The following RORA variants were observed in gnomAD, a reference collection of about 807,000 sequenced individuals.
RORA encodes the protein nuclear receptor ROR-alpha.
RORA carries 7 observed loss-of-function variants against 69.5 expected under a neutral mutation model. The observed-to-expected ratio is 0.10, with a 90% CI of 0.06 to 0.19. RORA has a LOEUF of 0.19. Among genes scored for constraint, RORA ranks in the 10% least tolerant of loss-of-function variants. The probability of loss-of-function intolerance (pLI) is 1.00; values close to 1 mark genes in which losing one functional copy is unlikely to be tolerated. For synonymous variants in RORA, 261 were observed against 240.8 expected, an observed-to-expected ratio of 1.08 and a Z score of -0.78; for missense variants, 457 against 663.0, an observed-to-expected ratio of 0.69 and a Z score of 3.41.
chr15:60,996,115 G>A (rs1167920119), intron 1 of RORA, among the ~76,000 whole-genome samples: 1 of 150,972 alleles, frequency 6.6e-6, no homozygotes, highest in Non-Finnish European at 1.5e-5. Context: ...CTGTTGCCCA[G>A]GCTGCAGTAC....
chr15:60,515,929 ATATATAT>A (rs1363750860), intron 3 of RORA, among the ~76,000 whole-genome samples: 3 of 44,274 alleles, frequency 6.8e-5, no homozygotes, highest in Admixed American at 8.4e-4. Context: ...ATATATATTT[ATATATAT>A]ATTTATATAT....
intron 1 of RORA, among the ~76,000 whole-genome samples, chr15:60,825,558 T>G (rs543453702): frequency 6.6e-6 from 1 of 152,280 alleles, no homozygotes; most frequent in African/African-American, 2.4e-5. Context: ...GGCATTATAG[T>G]GAAATCCTAG....
chr15:60,937,347 C>T (rs905441846), intron 1 of RORA, among the ~76,000 whole-genome samples: 2 of 152,140 alleles, frequency 1.3e-5, no homozygotes, highest in African/African-American at 4.8e-5. Flanking sequence ...ATTATTCTGG[C>T]TCATTTCATA....
intron 1 of RORA, among the ~76,000 whole-genome samples, chr15:61,220,298 T>C (rs2080083253): frequency 6.6e-6 from 1 of 152,220 alleles, no homozygotes; most frequent in Admixed American, 6.5e-5. Context: ...CCTTCAGATA[T>C]AATATCCCCG....
intron 1 of RORA, among the ~76,000 whole-genome samples, chr15:60,883,817 G>C (rs924020776): frequency 6.6e-6 from 1 of 152,210 alleles, no homozygotes; most frequent in Admixed American, 6.5e-5. Context: ...GTATACGAAA[G>C]GGTGTTGAGT....
chr15:60,734,679 G>A (rs959903082), intron 1 of RORA, among the ~76,000 whole-genome samples: 4 of 146,540 alleles, frequency 2.7e-5, no homozygotes, highest in African/African-American at 1.0e-4. Context: ...AGAAAAGTAG[G>A]TTTCCCTGAT....
chr15:60,944,440 G>C (rs915660957), intron 1 of RORA, among the ~76,000 whole-genome samples: 1 of 152,150 alleles, frequency 6.6e-6, no homozygotes, highest in African/African-American at 2.4e-5. Flanking sequence ...CACGGAGCGA[G>C]ATGCGGTGGC....
intron 1 of RORA, among the ~76,000 whole-genome samples, chr15:60,908,040 G>A (rs577348655): frequency 6.6e-5 from 10 of 152,290 alleles, no homozygotes; most frequent in African/African-American, 1.9e-4. Flanking sequence ...GGAACGTCCC[G>A]CCTCCACCCA....
intron 1 of RORA, among the ~76,000 whole-genome samples, chr15:61,200,955 A>C (rs1395368968): frequency 6.6e-6 from 1 of 152,254 alleles, no homozygotes; most frequent in Non-Finnish European, 1.5e-5. Context: ...GAGACCAGAA[A>C]GCGGAAGCCG....
chr15:61,140,963 A>G (rs1237902005), intron 1 of RORA, among the ~76,000 whole-genome samples: 1 of 152,136 alleles, frequency 6.6e-6, no homozygotes, highest in African/African-American at 2.4e-5. Flanking sequence ...TTGTCAAGAA[A>G]AGCTGTTTTT....
chr15:60,553,039 CAG>C (rs2067266805), intron 2 of RORA, among the ~76,000 whole-genome samples: 1 of 152,184 alleles, frequency 6.6e-6, no homozygotes, highest in South Asian at 2.1e-4. Context: ...ACAGAGATAA[CAG>C]TACCTACTTC....
intron 1 of RORA, among the ~76,000 whole-genome samples, chr15:60,735,024 C>A (rs959684280): frequency 2.6e-5 from 4 of 152,172 alleles, no homozygotes; most frequent in African/African-American, 9.7e-5. Context: ...TGCACCTTAG[C>A]CATGCAGTTT....
intron 2 of RORA, chr15:60,544,925 C>G (rs754887065): frequency 6.6e-6 from 1 of 152,310 alleles, no homozygotes; most frequent in Non-Finnish European, 1.5e-5. Flanking sequence ...ACCATCAGGA[C>G]ACAGAGGAGT....
chr15:60,994,904 CATTGGGGT>C (rs1453124516), intron 1 of RORA, among the ~76,000 whole-genome samples: 1 of 151,984 alleles, frequency 6.6e-6, no homozygotes, highest in Non-Finnish European at 1.5e-5. Flanking sequence ...TCTATTGGGG[CATTGGGGT>C]GTCAAGGGCC....
intron 1 of RORA, among the ~76,000 whole-genome samples, chr15:61,152,624 G>A (rs760109043): frequency 3.3e-5 from 5 of 151,898 alleles, no homozygotes; most frequent in South Asian, 2.1e-4. Context: ...TCTAGGTGCC[G>A]GGGCATTTAG....
intron 1 of RORA, among the ~76,000 whole-genome samples, chr15:60,957,583 C>G (rs922529992): frequency 3.9e-5 from 6 of 152,208 alleles, no homozygotes; most frequent in Non-Finnish European, 5.9e-5. Flanking sequence ...GGAAAGAACA[C>G]TTTGCTCAGT....
At chr15:61,096,402 C>G (rs1312636985) in intron 1 of RORA, among the ~76,000 whole-genome samples, 5 of 152,056 alleles carry the variant, frequency 3.3e-5, no homozygotes, top group African/African-American at 9.7e-5. Flanking sequence ...AATTCACAGT[C>G]CAAAAGAAAA....
rs563760602 is a variant in RORA at position 60,754,280 on chromosome 15, C to T, written c.167-75594G>A. 2.0e-5 allele frequency among the ~76,000 whole-genome samples: 3 copies of T among 152,294 alleles called. No individual in the cohort carries two copies. In the East Asian group the frequency reaches 5.8e-4, roughly 29 times the overall value. ...ATCTTTTGTTTACATCATTGTTTCA[C>T]TACCATGGAGGTTTCGTTGTGCATT... On this transcript the variant is annotated intron_variant, in intron 1 of 10. Transcript: ENST00000335670.
chr15:60,580,772 C>T (rs989311458), intron 2 of RORA, among the ~76,000 whole-genome samples: 2 of 152,186 alleles, frequency 1.3e-5, no homozygotes, highest in Non-Finnish European at 2.9e-5. Context: ...TCTTGTGCTC[C>T]CTCTTTGATG....
Sources: allele counts gnomAD v4.1 joint callset (sites outside exome capture counted in the v4.1 genomes callset), GRCh38; gene constraint gnomAD v4.1.1; transcripts MANE v1.5; gene names NCBI Gene and HGNC (gene_info 2026-07-23, HGNC 2026-07-21).